PATJ: variants seen among roughly 807,000 people sequenced by gnomAD.
PATJ encodes the protein PATJ crumbs cell polarity complex component.
A neutral mutation model predicts 224.9 loss-of-function variants in PATJ; 190 were observed. The ratio of observed to expected loss-of-function variants is 0.84; its 90% confidence interval spans 0.75 to 0.95. The LOEUF (loss-of-function observed/expected upper bound fraction) is 0.95, where lower values mean the gene tolerates loss of function less well. PATJ is among the 40% of genes least tolerant of loss of function. PATJ has a pLI of 0.00. For missense variants in PATJ, 2,121 were observed against 2,270.3 expected, an observed-to-expected ratio of 0.93 and a Z score of 1.34; for synonymous variants, 769 against 820.3, an observed-to-expected ratio of 0.94 and a Z score of 1.07.
At chr1:62,049,734 A>G (rs1242703495) in intron 30 of PATJ, among the ~76,000 whole-genome samples, 1 of 152,224 alleles carries the variant, frequency 6.6e-6, no homozygotes, top group Non-Finnish European at 1.5e-5. Context: ...TTATGTAAAT[A>G]CATATTTTCA....
chr1:61,835,066 G>A (rs1192751552), intron 17 of PATJ, among the ~76,000 whole-genome samples: 1 of 152,116 alleles, frequency 6.6e-6, no homozygotes, highest in East Asian at 1.9e-4. Flanking sequence ...TAAATTTACT[G>A]AAAAAGAAAT....
intron 41 of PATJ, among the ~76,000 whole-genome samples, chr1:62,135,740 A>G (rs917689391): frequency 2.0e-5 from 3 of 152,322 alleles, no homozygotes; most frequent in Non-Finnish European, 4.4e-5. Context: ...TTTCTTAAAA[A>G]GGTTGCTCTG....
At chr1:61,978,260 ATTCT>A (rs1644258887) in intron 27 of PATJ, among the ~76,000 whole-genome samples, 1 of 56,112 alleles carries the variant, frequency 1.8e-5, no homozygotes, top group African/African-American at 6.9e-5. Flanking sequence ...TCCTTCCTTT[ATTCT>A]TTCTTCTTTC....
At chr1:62,039,901 G>A (rs1651134853) in intron 30 of PATJ, among the ~76,000 whole-genome samples, 1 of 151,898 alleles carries the variant, frequency 6.6e-6, no homozygotes, top group Non-Finnish European at 1.5e-5. Flanking sequence ...CGCCAGGTGG[G>A]ACAGAGTTTC....
At chr1:62,112,701 T>A (rs1337503327) in intron 34 of PATJ, among the ~76,000 whole-genome samples, 1 of 152,004 alleles carries the variant, frequency 6.6e-6, no homozygotes, top group Admixed American at 6.6e-5. Flanking sequence ...CATTTGACTC[T>A]TTTCCTAGCT....
intron 30 of PATJ, among the ~76,000 whole-genome samples, chr1:62,042,447 A>G (rs7551434): frequency 0.012 from 1,819 of 152,234 alleles, 17 homozygotes; most frequent in Middle Eastern, 0.048. Context: ...AGATGTTTCT[A>G]TTGAGTACTA....
chr1:62,127,919 A>C, intron 39 of PATJ, 53 bp from the exon 40 acceptor site: 1 of 1,593,870 alleles, frequency 6.3e-7, no homozygotes, highest in African/African-American at 1.3e-5. Flanking sequence ...AGGGATAGTC[A>C]GTTTGTGGCT....
intron 32 of PATJ, among the ~76,000 whole-genome samples, chr1:62,081,971 C>G (rs1056631606): frequency 1.3e-5 from 2 of 152,188 alleles, no homozygotes; most frequent in Non-Finnish European, 1.5e-5. Flanking sequence ...ACATATGCTG[C>G]AAAAAGATTT....
chr1:61,970,515 T>C (rs922451501), intron 27 of PATJ, among the ~76,000 whole-genome samples: 1 of 152,100 alleles, frequency 6.6e-6, no homozygotes, highest in African/African-American at 2.4e-5. Context: ...TGAAAATCCT[T>C]TGTGCTCTTC....
intron 43 of PATJ, among the ~76,000 whole-genome samples, chr1:62,154,849 T>C (rs1669016431): frequency 6.6e-6 from 1 of 152,148 alleles, no homozygotes; most frequent in Non-Finnish European, 1.5e-5. Context: ...GGCATTTACT[T>C]TTGGACCACA....
intron 17 of PATJ, among the ~76,000 whole-genome samples, chr1:61,849,690 C>T (rs1662515601): frequency 1.3e-5 from 2 of 152,172 alleles, no homozygotes; most frequent in African/African-American, 4.8e-5. Context: ...CAGTAAGAGT[C>T]AAAATTATCA....
At chr1:61,888,515 C>G (rs1056835492) in intron 22 of PATJ, among the ~76,000 whole-genome samples, 1 of 152,088 alleles carries the variant, frequency 6.6e-6, no homozygotes, top group Non-Finnish European at 1.5e-5. Context: ...TCTGAAACTC[C>G]TGGGCTTAAG....
Position 61,851,297 on chromosome 1 carries a change from A to G in PATJ, c.2113-4733A>G, listed in dbSNP as rs141474943. ...TGAAGGTCTTTTTTGGTTTAGGGATATCACAGAGTAGGAAGTGCTTGGGTC... is the reference window on the plus strand; with the variant it reads ...TGAAGGTCTTTTTTGGTTTAGGGATGTCACAGAGTAGGAAGTGCTTGGGTC... On this transcript the variant is annotated intron_variant, in intron 17 of 43. Coordinates refer to ENST00000642238, the MANE Select transcript of PATJ (RefSeq NM_001350145.3). 2.0e-5 allele frequency among the ~76,000 whole-genome samples: 3 copies of G among 152,312 alleles called. No homozygotes were observed. The East Asian group carries it at 5.8e-4, about 29-fold the overall frequency.
intron 33 of PATJ, chr1:62,100,438 G>A (rs768485556): frequency 8.4e-6 from 6 of 716,636 alleles, no homozygotes; most frequent in South Asian, 6.0e-5. Context: ...AGGGAGGGGG[G>A]CTGAACTCTT....
In PATJ at chr1:62,030,637, C is replaced by T. The variant is rs139274064; in HGVS notation, c.3960-7340C>T. On this transcript the variant is annotated intron_variant, in intron 29 of 43. Coordinates refer to ENST00000642238, the MANE Select transcript of PATJ (RefSeq NM_001350145.3). ...ACACAAAACAAAAATATAGACTATT[C>T]GTTCACCTCCAAAAGATTGCTGGTG... Among the ~76,000 whole-genome samples, 953 of 152,256 alleles carry T rather than the reference C, an allele frequency of 6.3e-3. 10 individuals are homozygous for T. The highest frequency in any genetic ancestry group is 0.02 in the African/African-American group (820 of 41,560).
In PATJ at chr1:61,951,221, A is replaced by G. The variant is rs374903412; in HGVS notation, c.3670+23392A>G. 1.3e-4 allele frequency among the ~76,000 whole-genome samples: 20 copies of G among 151,674 alleles called. No homozygotes were observed. The South Asian group carries it at 3.7e-3, about 28-fold the overall frequency. ...AAAAAAGTTATTTAGTAGAATTTGTATTCTAGCTCTGTAATTGGAGAAAAC... is the reference window on the plus strand; with the variant it reads ...AAAAAAGTTATTTAGTAGAATTTGTGTTCTAGCTCTGTAATTGGAGAAAAC... On this transcript the variant is annotated intron_variant, in intron 27 of 43. Coordinates refer to ENST00000642238, the MANE Select transcript of PATJ (RefSeq NM_001350145.3).
intron 7 of PATJ, among the ~76,000 whole-genome samples, chr1:61,782,144 A>G (rs940204219): frequency 6.6e-6 from 1 of 152,206 alleles, no homozygotes; most frequent in Admixed American, 6.5e-5. Context: ...CCCTCACAGA[A>G]TCTAAGCTCC....
Position 62,106,164 on chromosome 1 carries a change from A to G in PATJ, c.4378-2273A>G, listed in dbSNP as rs1310937446. The stretch of plus-strand genomic sequence containing the variant: ...TGTATATGTGTGTGTGTGTGTATAT[A>G]TATATATATATATATATATATATGG... On this transcript the variant is annotated intron_variant, in intron 33 of 43. Coordinates refer to ENST00000642238, the MANE Select transcript of PATJ (RefSeq NM_001350145.3). 2.6e-3 allele frequency among the ~76,000 whole-genome samples: 213 copies of G among 80,426 alleles called. 19 individuals are homozygous for G. The highest frequency in any genetic ancestry group is 8.2e-3 in the African/African-American group (175 of 21,390). The allele number at this position is 80,426 out of a possible 152,430, so 52.8% of individuals were successfully genotyped here. A position where few individuals can be genotyped will look rare whatever the true frequency, so the allele number is the denominator to read the frequency against.
At chr1:62,057,653 G>T (rs540755005) in intron 31 of PATJ, among the ~76,000 whole-genome samples, 1 of 152,198 alleles carries the variant, frequency 6.6e-6, no homozygotes, top group Non-Finnish European at 1.5e-5. Context: ...CAATGTATGG[G>T]TTTACTAGGT....
Sources: allele counts gnomAD v4.1 joint callset (sites outside exome capture counted in the v4.1 genomes callset), GRCh38; gene constraint gnomAD v4.1.1; transcripts MANE v1.5; gene names NCBI Gene and HGNC (gene_info 2026-07-23, HGNC 2026-07-21).